ZFHX3: variants seen among roughly 807,000 people sequenced by gnomAD.
The protein encoded by ZFHX3 is zinc finger homeobox 3, also known as zinc finger homeobox protein 3.
A neutral mutation model predicts 279.1 loss-of-function variants in ZFHX3; 42 were observed. The observed-to-expected ratio is 0.15, with a 90% CI of 0.12 to 0.19. ZFHX3 has a LOEUF of 0.19. ZFHX3 is among the 10% of genes least tolerant of loss of function. The pLI is 1.00. For synonymous variants in ZFHX3, 2,293 were observed against 1,957.8 expected, an observed-to-expected ratio of 1.17 and a Z score of -4.52; for missense variants, 4,981 against 4,754.0, an observed-to-expected ratio of 1.05 and a Z score of -1.40.
chr16:73,706,915 C>T (rs990286018), intron 1 of ZFHX3, among the ~76,000 whole-genome samples: 6 of 152,106 alleles, frequency 3.9e-5, no homozygotes, highest in Admixed American at 2.6e-4. Context: ...CTTACTTTAA[C>T]GATTTCTTTC....
exon 1 of ZFHX3, chr16:73,058,807 C>G (rs987299972): frequency 6.3e-6 from 1 of 157,846 alleles, no homozygotes; most frequent in African/African-American, 2.6e-5. Context: ...CCGCTGCCGC[C>G]GAGCAGCATG....
chr16:73,594,251 A>G (rs1309472724), intron 2 of ZFHX3, among the ~76,000 whole-genome samples: 1 of 152,200 alleles, frequency 6.6e-6, no homozygotes, highest in Non-Finnish European at 1.5e-5. Context: ...AAAAGATATC[A>G]TGTAAAATAG....
At chr16:73,318,341 A>G (rs962000559) in intron 3 of ZFHX3, 1 of 152,116 alleles carries the variant, frequency 6.6e-6, no homozygotes, top group Non-Finnish European at 1.5e-5. Flanking sequence ...GGCCACCTGC[A>G]CGTGTCCAGG....
intron 3 of ZFHX3, among the ~76,000 whole-genome samples, chr16:72,893,495 C>G (rs139263208): frequency 6.6e-6 from 1 of 152,162 alleles, no homozygotes; most frequent in Non-Finnish European, 1.5e-5. Context: ...GTCATAGGAC[C>G]GTATAAACCC....
rs117245669 is a variant in ZFHX3 at position 73,498,452 on chromosome 16, G to A, written c.-1546-42194C>T. On this transcript the variant is annotated intron_variant, in intron 2 of 17. Transcript: ENST00000641206. ...GACCTGCACTGTTTATTATATGTTT[G>A]CACACATCAATGAAAAATGTCAAAA... is the stretch of plus-strand genomic sequence containing the variant. 2.6e-3 allele frequency among the ~76,000 whole-genome samples: 392 copies of A among 152,262 alleles called. 1 individual carries two copies. The highest frequency in any genetic ancestry group is 6.8e-3 in the South Asian group (33 of 4,824).
chr16:73,170,005 A>T (rs1967482128), intron 5 of ZFHX3, among the ~76,000 whole-genome samples: 1 of 152,044 alleles, frequency 6.6e-6, no homozygotes, highest in Admixed American at 6.6e-5. Flanking sequence ...CTCCCTTAGG[A>T]CACTGTAAGC....
intron 3 of ZFHX3, 45 bp downstream of exon 3, chr16:72,950,424 C>T: frequency 3.1e-6 from 5 of 1,592,826 alleles, no homozygotes; most frequent in Non-Finnish European, 3.4e-6. Context: ...GCGCAACCCC[C>T]TCCTTTCAGA....
At chr16:73,673,914 A>G (rs112221921) in intron 2 of ZFHX3, among the ~76,000 whole-genome samples, 2 of 152,212 alleles carry the variant, frequency 1.3e-5, no homozygotes, top group African/African-American at 4.8e-5. Flanking sequence ...TGACCACCAC[A>G]CAAGGAGACA....
chr16:73,367,867 C>CTTT (rs10718886), intron 3 of ZFHX3, among the ~76,000 whole-genome samples: 1,655 of 115,380 alleles, frequency 0.014, 56 homozygotes, highest in African/African-American at 0.046. Context: ...TAAGGAAGGT[C>CTTT]TTTTTTTTTT....
intron 3 of ZFHX3, among the ~76,000 whole-genome samples, chr16:73,322,194 A>G: frequency 6.6e-6 from 1 of 152,008 alleles, no homozygotes; most frequent in East Asian, 1.9e-4. Flanking sequence ...TGCATAATGA[A>G]GGCATGGGGG....
At chr16:72,912,616 C>G (rs563492827) in intron 3 of ZFHX3, among the ~76,000 whole-genome samples, 8 of 152,224 alleles carry the variant, frequency 5.3e-5, no homozygotes, top group African/African-American at 1.7e-4. Context: ...GAAACAGCAG[C>G]TCCTAAGGGT....
intron 3 of ZFHX3, among the ~76,000 whole-genome samples, chr16:73,341,536 A>C (rs1253374202): frequency 6.6e-6 from 1 of 152,218 alleles, no homozygotes; most frequent in African/African-American, 2.4e-5. Context: ...TTACTCACAG[A>C]GTTGCCATAT....
chr16:72,910,189 G>A (rs147551285), intron 3 of ZFHX3, among the ~76,000 whole-genome samples: 72 of 152,246 alleles, frequency 4.7e-4, no homozygotes, highest in Admixed American at 2.4e-3. Context: ...TGTAACTGAC[G>A]CCACTTTGAA....
intron 3 of ZFHX3, among the ~76,000 whole-genome samples, chr16:72,919,097 C>A (rs779983995): frequency 2.6e-5 from 4 of 151,776 alleles, no homozygotes; most frequent in Non-Finnish European, 5.9e-5. Flanking sequence ...AGATTCTGTG[C>A]ATTTCCCTAA....
At chr16:73,247,440 C>T (rs147186538) in intron 5 of ZFHX3, among the ~76,000 whole-genome samples, 10,839 of 150,122 alleles carry the variant, frequency 0.072, 810 homozygotes, top group East Asian at 0.45. Context: ...TGCCTGTATG[C>T]GGAGTGTATG....
chr16:72,912,800 T>C (rs1358604369), intron 3 of ZFHX3, among the ~76,000 whole-genome samples: 4 of 152,232 alleles, frequency 2.6e-5, no homozygotes, highest in African/African-American at 9.6e-5. Flanking sequence ...TCTCAGCTCA[T>C]TGCAACCTCT....
intron 3 of ZFHX3, among the ~76,000 whole-genome samples, chr16:72,925,649 A>G (rs916509670): frequency 6.6e-6 from 1 of 152,232 alleles, no homozygotes; most frequent in African/African-American, 2.4e-5. Flanking sequence ...CTTTGAAGCA[A>G]TGAGGAAAAA....
At chr16:73,178,080 C>T (rs887295981) in intron 5 of ZFHX3, among the ~76,000 whole-genome samples, 4 of 152,144 alleles carry the variant, frequency 2.6e-5, no homozygotes, top group African/African-American at 4.8e-5. Flanking sequence ...CTAGCTTTGT[C>T]CTCTGAAGCA....
intron 3 of ZFHX3, among the ~76,000 whole-genome samples, chr16:73,367,420 C>T (rs1456884895): frequency 3.3e-5 from 5 of 152,260 alleles, no homozygotes; most frequent in Admixed American, 6.5e-5. Flanking sequence ...ACATGTTTCA[C>T]GGCTTTTGAA....
Sources: allele counts gnomAD v4.1 joint callset (sites outside exome capture counted in the v4.1 genomes callset), GRCh38; gene constraint gnomAD v4.1.1; transcripts MANE v1.5; gene names NCBI Gene and HGNC (gene_info 2026-07-23, HGNC 2026-07-21).